The following RBFOX1 variants were observed in gnomAD, a reference collection of about 807,000 sequenced individuals.
RBFOX1 encodes RNA binding protein fox-1 homolog 1.
RBFOX1 carries 8 observed loss-of-function variants against 57.7 expected under a neutral mutation model. The ratio of observed to expected loss-of-function variants is 0.14; its 90% confidence interval spans 0.08 to 0.25. The LOEUF (loss-of-function observed/expected upper bound fraction) is 0.25, where lower values mean the gene tolerates loss of function less well. Ranked by LOEUF, RBFOX1 falls within the 10% of genes least tolerant of loss-of-function variation. RBFOX1 has a pLI of 1.00. For missense variants in RBFOX1, 611 were observed against 548.5 expected, an observed-to-expected ratio of 1.11 and a Z score of -1.14; for synonymous variants, 326 against 222.4, an observed-to-expected ratio of 1.47 and a Z score of -4.15.
intron 4 of RBFOX1, among the ~76,000 whole-genome samples, chr16:7,397,461 C>G (rs1194216661): frequency 6.6e-6 from 1 of 152,122 alleles, no homozygotes; most frequent in Admixed American, 6.5e-5. Flanking sequence ...ACTAAGTCTT[C>G]CTGAGATGAG....
chr16:7,458,543 A>T (rs1171422765), intron 4 of RBFOX1, among the ~76,000 whole-genome samples: 1 of 152,224 alleles, frequency 6.6e-6, no homozygotes, highest in Non-Finnish European at 1.5e-5. Flanking sequence ...AAGGAAAAAA[A>T]CATTGACTTC....
rs558404577 is a variant in RBFOX1 at position 6,875,733 on chromosome 16, G to C, written c.-15-176324G>C. ...ATGAATCAGCGCCACATCTGGGCAT[G>C]GTGGCCCATGCCTGTAACAGCAGCA... is the stretch of plus-strand genomic sequence containing the variant. On this transcript the variant is annotated intron_variant, in intron 3 of 15. Coordinates refer to ENST00000550418, the MANE Select transcript of RBFOX1 (RefSeq NM_018723.4). 2.6e-5 allele frequency among the ~76,000 whole-genome samples: 4 copies of C among 152,296 alleles called. No homozygotes were observed. The South Asian group carries it at 8.3e-4, about 32-fold the overall frequency.
chr16:6,104,724 A>C (rs966923216), intron 1 of RBFOX1, among the ~76,000 whole-genome samples: 1 of 152,334 alleles, frequency 6.6e-6, no homozygotes, highest in Middle Eastern at 3.4e-3. Flanking sequence ...ACTTTAGCCA[A>C]AACAAACAAA....
At chr16:6,892,824 C>CTT (rs2065842360) in intron 3 of RBFOX1, among the ~76,000 whole-genome samples, 3 of 114,188 alleles carry the variant, frequency 2.6e-5, no homozygotes, top group Admixed American at 2.1e-4. Flanking sequence ...CTCTCTCTCT[C>CTT]TCTATTCTGC....
intron 3 of RBFOX1, among the ~76,000 whole-genome samples, chr16:5,761,897 C>T (rs910820134): frequency 1.3e-5 from 2 of 152,094 alleles, no homozygotes; most frequent in African/African-American, 4.8e-5. Flanking sequence ...ACACAGCTTC[C>T]CCTGACCCCT....
intron 2 of RBFOX1, among the ~76,000 whole-genome samples, chr16:5,554,019 G>T (rs1387997325): frequency 6.7e-6 from 1 of 150,300 alleles, no homozygotes; most frequent in Non-Finnish European, 1.5e-5. Flanking sequence ...GCCCAGGCTG[G>T]AGTGCAGTGG....
chr16:6,925,758 G>T (rs1030343155), intron 3 of RBFOX1, among the ~76,000 whole-genome samples: 3 of 151,748 alleles, frequency 2.0e-5, no homozygotes, highest in African/African-American at 7.3e-5. Context: ...AGCAAAGAAC[G>T]GGAAATCCCC....
At position 5,627,477 on chromosome 16, in the gene RBFOX1, G is replaced by A. The variant is rs180812165; in HGVS notation, c.318+28516G>A. 1.5e-3 allele frequency among the ~76,000 whole-genome samples: 234 copies of A among 152,180 alleles called. 1 individual carries two copies. The highest frequency in any genetic ancestry group is 5.2e-3 in the African/African-American group (214 of 41,540). On this transcript the variant is annotated intron_variant, in intron 3 of 19. Coordinates refer to the RBFOX1 transcript ENST00000641259. ...TAATCATTTGTAAAGGATAGAAAAT[G>A]CTATTGCTTTGAGTACAAAGCAATA...
intron 3 of RBFOX1, among the ~76,000 whole-genome samples, chr16:6,826,292 C>G (rs1483198228): frequency 1.3e-5 from 2 of 152,118 alleles, no homozygotes; most frequent in African/African-American, 4.8e-5. Context: ...GCGAGAAAAT[C>G]GTTTGAGTCC....
intron 4 of RBFOX1, among the ~76,000 whole-genome samples, chr16:7,106,984 A>ACACAC (rs1567282011): frequency 2.0e-5 from 3 of 148,514 alleles, no homozygotes; most frequent in Non-Finnish European, 3.0e-5. Context: ...ACACAGTTAA[A>ACACAC]ACACACACAC....
chr16:6,951,795 A>G (rs1369236863), intron 3 of RBFOX1, among the ~76,000 whole-genome samples: 1 of 152,120 alleles, frequency 6.6e-6, no homozygotes, highest in Non-Finnish European at 1.5e-5. Flanking sequence ...GTGCAGTGGC[A>G]TAATCCAGGC....
intron 2 of RBFOX1, among the ~76,000 whole-genome samples, chr16:6,354,575 C>T (rs2086955450): frequency 6.6e-6 from 1 of 152,138 alleles, no homozygotes; most frequent in South Asian, 2.1e-4. Flanking sequence ...AGGCCCCTGC[C>T]CTCTTCCTCT....
intron 3 of RBFOX1, among the ~76,000 whole-genome samples, chr16:6,831,149 C>G (rs1426703780): frequency 6.6e-6 from 1 of 152,126 alleles, no homozygotes; most frequent in African/African-American, 2.4e-5. Context: ...AGCGGTTTTG[C>G]TCATTATAAT....
intron 2 of RBFOX1, among the ~76,000 whole-genome samples, chr16:5,580,914 A>G (rs1190906757): frequency 6.6e-6 from 1 of 152,144 alleles, no homozygotes; most frequent in African/African-American, 2.4e-5. Flanking sequence ...CAGTCATTCT[A>G]TGGATGGGAA....
At position 7,388,644 on chromosome 16, in the gene RBFOX1, CTTTTTTTTTT is replaced by C. The variant is rs61629644; in HGVS notation, c.28-129487_28-129478del. Reference sequence around the variant, plus strand: ...CCCAACTTAAAAGTGGTTTCACTTACTTTTTTTTTTTTTTTTTTTTTTTTTGACATTATGA... The same window carrying C: ...CCCAACTTAAAAGTGGTTTCACTTACTTTTTTTTTTTTTTTGACATTATGA... On this transcript the variant is annotated intron_variant, in intron 4 of 15. Coordinates refer to ENST00000550418, the MANE Select transcript of RBFOX1 (RefSeq NM_018723.4). 3.8e-4 allele frequency among the ~76,000 whole-genome samples: 35 copies of C among 92,610 alleles called. 1 individual carries two copies. In the South Asian group the frequency reaches 7.5e-3, roughly 20 times the overall value. The allele number at this position is 92,610 out of a possible 152,430, so 60.8% of individuals were successfully genotyped here.
rs573766882 is a variant in RBFOX1, at chr16:7,343,287, G to A, written c.28-174860G>A. 3.3e-5 allele frequency among the ~76,000 whole-genome samples: 5 copies of A among 152,244 alleles called. No homozygotes were observed. The South Asian group carries it at 6.2e-4, about 19-fold the overall frequency. ...GGAAATTGTAGCTCTGAGTCGCTTC[G>A]AAGTCCCGCTGCATCCAGATGTTCC... On this transcript the variant is annotated intron_variant, in intron 4 of 15. Transcript: ENST00000550418.
intron 3 of RBFOX1, among the ~76,000 whole-genome samples, chr16:5,674,959 C>A (rs1045307448): frequency 6.6e-6 from 1 of 152,030 alleles, no homozygotes; most frequent in African/African-American, 2.4e-5. Flanking sequence ...CCAGCCTGGA[C>A]AACACAGCAA....
chr16:7,540,036 C>G (rs561869589), intron 5 of RBFOX1, among the ~76,000 whole-genome samples: 1 of 152,306 alleles, frequency 6.6e-6, no homozygotes, highest in East Asian at 1.9e-4. Context: ...TAAATTGTAG[C>G]TGCCACTACT....
At chr16:6,869,476 T>G (rs2153247313) in intron 3 of RBFOX1, among the ~76,000 whole-genome samples, 1 of 151,978 alleles carries the variant, frequency 6.6e-6, no homozygotes, top group East Asian at 1.9e-4. Context: ...TTTGAGGTTT[T>G]TTTTTTTTAA....
Sources: allele counts gnomAD v4.1 joint callset (sites outside exome capture counted in the v4.1 genomes callset), GRCh38; gene constraint gnomAD v4.1.1; transcripts MANE v1.5; gene names NCBI Gene and HGNC (gene_info 2026-07-23, HGNC 2026-07-21).